AP3B1: variants seen among roughly 807,000 people sequenced by gnomAD.
The protein encoded by AP3B1 is AP-3 complex subunit beta-1.
A neutral mutation model predicts 132.5 loss-of-function variants in AP3B1; 61 were observed. The ratio of observed to expected loss-of-function variants is 0.46; its 90% confidence interval spans 0.37 to 0.57. AP3B1 has a LOEUF of 0.57. Ranked by LOEUF, AP3B1 falls within the 20% of genes least tolerant of loss-of-function variation. AP3B1 has a pLI of 0.00. For missense variants in AP3B1, 1,120 were observed against 1,289.4 expected, an observed-to-expected ratio of 0.87 and a Z score of 2.01; for synonymous variants, 388 against 438.3, an observed-to-expected ratio of 0.89 and a Z score of 1.43.
chr5:78,188,840 A>G (rs956648577), intron 7 of AP3B1, among the ~76,000 whole-genome samples: 5 of 152,210 alleles, frequency 3.3e-5, no homozygotes, highest in African/African-American at 1.2e-4. Context: ...ATGCCCATCA[A>G]TGACAGACTA....
chr5:78,185,357 G>GATATAA (rs1744561177), intron 7 of AP3B1, among the ~76,000 whole-genome samples: 4 of 152,124 alleles, frequency 2.6e-5, no homozygotes, highest in Non-Finnish European at 4.4e-5. Context: ...ATATTAGATG[G>GATATAA]TTGAAGAAAA....
intron 26 of AP3B1, among the ~76,000 whole-genome samples, chr5:78,007,589 T>C (rs1040863648): frequency 2.0e-5 from 3 of 152,314 alleles, no homozygotes; most frequent in African/African-American, 7.2e-5. Context: ...TGTAATGAAG[T>C]CGCACGATCA....
At chr5:78,176,286 G>A (rs1744144364) in intron 9 of AP3B1, among the ~76,000 whole-genome samples, 1 of 151,826 alleles carries the variant, frequency 6.6e-6, no homozygotes, top group South Asian at 2.1e-4. Context: ...TCTGGTATAA[G>A]GCTTCATGTG....
intron 22 of AP3B1, among the ~76,000 whole-genome samples, chr5:78,045,812 G>C (rs1748305959): frequency 6.6e-6 from 1 of 152,224 alleles, no homozygotes; most frequent in African/African-American, 2.4e-5. Flanking sequence ...CTGTGAAAAT[G>C]AGGGTTTAAG....
chr5:78,252,206 C>T (rs887164446), intron 2 of AP3B1, among the ~76,000 whole-genome samples: 1 of 152,196 alleles, frequency 6.6e-6, no homozygotes, highest in African/African-American at 2.4e-5. Flanking sequence ...ACATTGAGGG[C>T]CTTGGTGAAC....
At position 78,263,226 on chromosome 5, in the gene AP3B1, T is replaced by C. The variant is rs369363218; in HGVS notation, c.204+4294A>G. On this transcript the variant is annotated intron_variant, in intron 2 of 26. Coordinates refer to ENST00000255194, the MANE Select transcript of AP3B1 (RefSeq NM_003664.5). ...TCAGTGTACAAGTCTTTCATCTCCT[T>C]GGTTAAGCTTATTCCTGAATATTTT... is the stretch of plus-strand genomic sequence containing the variant. Among the ~76,000 whole-genome samples, 5 of 152,194 alleles carry C rather than the reference T, an allele frequency of 3.3e-5. No homozygotes were observed. In the South Asian group the frequency reaches 8.3e-4, roughly 25 times the overall value.
At chr5:78,040,767 G>A (rs953886189) in intron 22 of AP3B1, among the ~76,000 whole-genome samples, 9 of 151,906 alleles carry the variant, frequency 5.9e-5, no homozygotes, top group African/African-American at 1.7e-4. Context: ...TTATAGTTCT[G>A]AGAGTATATA....
intron 24 of AP3B1, among the ~76,000 whole-genome samples, chr5:78,034,087 T>C (rs1034705124): frequency 6.6e-6 from 1 of 151,976 alleles, no homozygotes; most frequent in Non-Finnish European, 1.5e-5. Flanking sequence ...AAGTTAAAAA[T>C]TACTTAGTAG....
chr5:78,144,305 GCCA>G (rs943457671), intron 14 of AP3B1, among the ~76,000 whole-genome samples: 1 of 152,104 alleles, frequency 6.6e-6, no homozygotes, highest in African/African-American at 2.4e-5. Context: ...AGTTTCCACG[GCCA>G]CCACAACCCA....
chr5:78,175,175 C>G (rs1485294630), intron 11 of AP3B1, among the ~76,000 whole-genome samples: 1 of 152,206 alleles, frequency 6.6e-6, no homozygotes, highest in Non-Finnish European at 1.5e-5. Context: ...CTTGTGCTTC[C>G]TGGGTGAGGC....
rs561170588 is a variant in AP3B1, at chr5:78,011,768, C to T, written c.3131+3642G>A. Among the ~76,000 whole-genome samples the T allele has an allele frequency of 3.9e-5, 6 of 152,148 alleles. No homozygotes were observed. The East Asian group carries it at 1.2e-3, about 29-fold the overall frequency. Reference sequence around the variant, plus strand: ...TTACACTAAGTATTTCTTTACCTGGCATTTAATGTAAAAATGTATAAAATT... The same window carrying T: ...TTACACTAAGTATTTCTTTACCTGGTATTTAATGTAAAAATGTATAAAATT... On this transcript the variant is annotated intron_variant, in intron 26 of 26. Transcript: ENST00000255194.
chr5:78,229,580 A>C (rs1005074932), intron 3 of AP3B1, among the ~76,000 whole-genome samples: 11 of 151,342 alleles, frequency 7.3e-5, no homozygotes, highest in African/African-American at 1.7e-4. Context: ...TAAAACAAAA[A>C]AAAAAAAAAT....
Position 78,271,550 on chromosome 5 carries a change from G to C in AP3B1, c.129-3955C>G, listed in dbSNP as rs116364109. On this transcript the variant is annotated intron_variant, in intron 1 of 26. Coordinates refer to ENST00000255194, the MANE Select transcript of AP3B1 (RefSeq NM_003664.5). ...GCCTACAGACCCTTCCTCAACTCTT[G>C]GTAATCTCATTTACCTTTAATTTAA... Among the ~76,000 whole-genome samples the C allele has an allele frequency of 8.2e-3, 1,248 of 152,226 alleles. 16 individuals carry two copies. The highest frequency in any genetic ancestry group is 0.029 in the African/African-American group (1,184 of 41,518).
At chr5:78,119,333 G>C (rs1752037007) in intron 17 of AP3B1, among the ~76,000 whole-genome samples, 1 of 152,186 alleles carries the variant, frequency 6.6e-6, no homozygotes, top group African/African-American at 2.4e-5. Flanking sequence ...GAACAAAGCT[G>C]GACGGAGAAT....
At position 78,002,613 on chromosome 5, in the gene AP3B1, A is replaced by G; in HGVS notation, c.*289T>C. The G allele has an allele frequency of 1.7e-6, 1 of 576,184 alleles. No individual in the cohort carries two copies. Among genetic ancestry groups the G allele is most frequent in the South Asian group, 2.3e-5 (1 of 42,798 alleles). 35.7% of individuals were successfully genotyped at this position (576,184 alleles called of 1,614,324 possible). A position where few individuals can be genotyped will look rare whatever the true frequency, so the allele number is the denominator to read the frequency against. On this transcript the variant is annotated 3_prime_UTR_variant, in exon 27 of 27. Coordinates refer to ENST00000255194, the MANE Select transcript of AP3B1 (RefSeq NM_003664.5). ...ACCATTGTCGAAAAAGAGAAGGAAA[A>G]CGAGGAGGCCAAAAGAAGCAGCAGG... is the stretch of plus-strand genomic sequence containing the variant.
chr5:78,117,996 G>C (rs1404587137), intron 17 of AP3B1, among the ~76,000 whole-genome samples: 1 of 152,180 alleles, frequency 6.6e-6, no homozygotes, highest in Non-Finnish European at 1.5e-5. Flanking sequence ...GGAGTCTACA[G>C]CATGACAGAA....
intron 7 of AP3B1, among the ~76,000 whole-genome samples, chr5:78,183,030 C>T (rs1744433264): frequency 6.6e-6 from 1 of 152,224 alleles, no homozygotes; most frequent in South Asian, 2.1e-4. Flanking sequence ...TGCAGCACCA[C>T]ACCTAGTAGT....
rs1561488364 is a variant in AP3B1 at position 78,227,365 on chromosome 5, C to A, written c.536+7G>T. The A allele has an allele frequency of 6.2e-7, 1 of 1,611,846 alleles. No homozygotes were observed. The highest frequency in any genetic ancestry group is 1.1e-5 in the South Asian group (1 of 90,992). On this transcript the variant is annotated splice_region_variant and intron_variant, in intron 5 of 26. Transcript: ENST00000255194. ...GATCTTTGGTATATTGTTAACAATG[C>A]ACCTACCTGTATAATTTTTGTATTG...
intron 26 of AP3B1, among the ~76,000 whole-genome samples, chr5:78,006,219 C>T (rs1198480160): frequency 6.6e-6 from 1 of 152,198 alleles, no homozygotes; most frequent in Non-Finnish European, 1.5e-5. Flanking sequence ...AGAACTTCCT[C>T]AGGGCCACAC....
Sources: gnomAD v4.1 joint callset for allele counts (sites outside exome capture counted in the v4.1 genomes callset) on GRCh38, gnomAD v4.1.1 for gene constraint, MANE v1.5 for transcripts, NCBI Gene and HGNC (gene_info 2026-07-23, HGNC 2026-07-21) for gene names.